PTPRD: variants seen among roughly 807,000 people sequenced by gnomAD.
PTPRD encodes the protein receptor-type tyrosine-protein phosphatase delta.
Under a neutral mutation model 214.5 loss-of-function variants are expected in PTPRD, and 34 were observed. The ratio of observed to expected loss-of-function variants is 0.16; its 90% CI spans 0.12 to 0.21. The LOEUF is 0.21. Among genes scored for constraint, PTPRD ranks in the 10% least tolerant of loss-of-function variants. The probability of loss-of-function intolerance (pLI) is 1.00; values close to 1 mark genes in which losing one functional copy is unlikely to be tolerated. For missense variants in PTPRD, 2,545 were observed against 2,398.7 expected (o/e 1.06, Z -1.27); for synonymous variants, 1,128 against 845.7 (o/e 1.33, Z -5.79).
chr9:9,050,236 G>C (rs1418445893), intron 10 of PTPRD, among the ~76,000 whole-genome samples: 1 of 152,120 alleles, frequency 6.6e-6, no homozygotes, highest in Non-Finnish European at 1.5e-5. Flanking sequence ...TTAAAGCATT[G>C]TTCAATGTAC....
intron 11 of PTPRD, among the ~76,000 whole-genome samples, chr9:8,972,644 C>G (rs1349463104): frequency 1.3e-5 from 2 of 151,858 alleles, no homozygotes; most frequent in Non-Finnish European, 2.9e-5. Context: ...TCATTTAATT[C>G]TTATAAAAAC....
At chr9:8,728,346 A>C (rs2098610233) in intron 12 of PTPRD, among the ~76,000 whole-genome samples, 1 of 152,152 alleles carries the variant, frequency 6.6e-6, no homozygotes, top group Non-Finnish European at 1.5e-5. Flanking sequence ...CAAAAACAAA[A>C]AGACATTTTT....
At chr9:10,007,880 A>T (rs1047513396) in intron 4 of PTPRD, among the ~76,000 whole-genome samples, 1 of 152,054 alleles carries the variant, frequency 6.6e-6, no homozygotes, top group Non-Finnish European at 1.5e-5. Flanking sequence ...AGTAAAATTT[A>T]GGTTATTCTA....
chr9:9,194,756 T>C (rs1158946751), intron 9 of PTPRD, among the ~76,000 whole-genome samples: 2 of 152,112 alleles, frequency 1.3e-5, no homozygotes, highest in Non-Finnish European at 2.9e-5. Context: ...ATAGTTCTAA[T>C]AGCACATTGC....
chr9:9,496,442 C>A (rs781762973), intron 8 of PTPRD, among the ~76,000 whole-genome samples: 12 of 152,060 alleles, frequency 7.9e-5, no homozygotes, highest in South Asian at 2.1e-4. Context: ...AACTAGGATA[C>A]ACAAATGTCC....
intron 7 of PTPRD, among the ~76,000 whole-genome samples, chr9:9,726,256 G>C (rs1369111354): frequency 6.6e-6 from 1 of 152,058 alleles, no homozygotes; most frequent in Non-Finnish European, 1.5e-5. Flanking sequence ...GCATAACACT[G>C]ACATTGGCAT....
intron 11 of PTPRD, among the ~76,000 whole-genome samples, chr9:8,819,635 T>A (rs1032721264): frequency 6.4e-4 from 97 of 152,302 alleles, no homozygotes; most frequent in African/African-American, 2.3e-3. Context: ...CACTCCAGCC[T>A]GGGCAACAGA....
chr9:9,505,601 G>T (rs1569568878), intron 8 of PTPRD, among the ~76,000 whole-genome samples: 1 of 151,350 alleles, frequency 6.6e-6, no homozygotes, highest in African/African-American at 2.4e-5. Context: ...TATATTCCTT[G>T]TCAAGTCAAT....
intron 10 of PTPRD, among the ~76,000 whole-genome samples, chr9:9,060,256 T>A (rs1050626927): frequency 6.6e-6 from 1 of 152,096 alleles, no homozygotes; most frequent in African/African-American, 2.4e-5. Context: ...CATGCAAACA[T>A]AGAGAGTTGA....
chr9:8,613,374 A>G (rs2095513436), intron 14 of PTPRD, among the ~76,000 whole-genome samples: 1 of 152,190 alleles, frequency 6.6e-6, no homozygotes, highest in African/African-American at 2.4e-5. Flanking sequence ...AAACATTATA[A>G]TATCTTACTT....
chr9:8,813,839 G>A (rs902586999), intron 11 of PTPRD, among the ~76,000 whole-genome samples: 1 of 152,224 alleles, frequency 6.6e-6, no homozygotes, highest in African/African-American at 2.4e-5. Flanking sequence ...GCTTACTGAG[G>A]AAGAAATTTA....
At chr9:10,049,407 A>AAAAAGAAAGAAAG (rs1555515116) in intron 3 of PTPRD, among the ~76,000 whole-genome samples, 4 of 115,694 alleles carry the variant, frequency 3.5e-5, no homozygotes, top group South Asian at 2.8e-4. Flanking sequence ...TTAAAAAAAA[A>AAAAAGAAAGAAAG]AAAGAAAGAA....
chr9:8,562,446 TA>T (rs2086779125), intron 14 of PTPRD, among the ~76,000 whole-genome samples: 1 of 152,002 alleles, frequency 6.6e-6, no homozygotes, highest in Admixed American at 6.6e-5. Context: ...TATTTTATTT[TA>T]TTTTTTTGAG....
At chr9:9,783,945 G>A (rs1485192141) in intron 5 of PTPRD, among the ~76,000 whole-genome samples, 1 of 151,676 alleles carries the variant, frequency 6.6e-6, no homozygotes, top group Non-Finnish European at 1.5e-5. Flanking sequence ...CCATAGGTTA[G>A]CTGCAAATCC....
intron 8 of PTPRD, among the ~76,000 whole-genome samples, chr9:9,552,822 T>C (rs1394289616): frequency 6.6e-6 from 1 of 152,100 alleles, no homozygotes; most frequent in Non-Finnish European, 1.5e-5. Context: ...CTAATACAAT[T>C]GAAAAGTCAT....
chr9:9,247,749 G>C (rs904400285), intron 9 of PTPRD, among the ~76,000 whole-genome samples: 2 of 151,910 alleles, frequency 1.3e-5, no homozygotes, highest in Non-Finnish European at 2.9e-5. Context: ...TCCATCTTTG[G>C]TTAAAAATAT....
intron 8 of PTPRD, among the ~76,000 whole-genome samples, chr9:9,423,828 G>A (rs1009924656): frequency 6.6e-6 from 1 of 152,142 alleles, no homozygotes; most frequent in African/African-American, 2.4e-5. Flanking sequence ...AAATATTCTA[G>A]TTGATATACA....
intron 9 of PTPRD, among the ~76,000 whole-genome samples, chr9:9,317,189 G>A (rs1056175944): frequency 1.3e-5 from 2 of 152,024 alleles, no homozygotes; most frequent in Admixed American, 6.6e-5. Context: ...TATGTTTCAG[G>A]TTTTGTCCTC....
intron 11 of PTPRD, among the ~76,000 whole-genome samples, chr9:8,817,485 G>A (rs767970317): frequency 1.3e-5 from 2 of 151,934 alleles, no homozygotes; most frequent in African/African-American, 2.4e-5. Context: ...TAATTAGCTG[G>A]GTATAGTAGT....
Sources: allele counts gnomAD v4.1 joint callset (sites outside exome capture counted in the v4.1 genomes callset), GRCh38; gene constraint gnomAD v4.1.1; transcripts MANE v1.5; gene names NCBI Gene and HGNC (gene_info 2026-07-23, HGNC 2026-07-21).